Variants in SPIDR observed in about 807,000 individuals in gnomAD.
SPIDR encodes DNA repair-scaffolding protein.
In SPIDR, 93 loss-of-function variants were observed where a neutral mutation model predicts 104.6. The observed-to-expected ratio is 0.89, with a 90% confidence interval of 0.75 to 1.06. The LOEUF is 1.06. Ranked by LOEUF, SPIDR falls within the 50% of genes least tolerant of loss-of-function variation. The pLI is 0.00. For missense variants in SPIDR, 1,154 were observed against 1,111.2 expected, an observed-to-expected ratio of 1.04 and a Z score of -0.55; for synonymous variants, 431 against 416.9, an observed-to-expected ratio of 1.03 and a Z score of -0.41.
At chr8:47,412,472 A>T (rs1477315949) in intron 7 of SPIDR, among the ~76,000 whole-genome samples, 1 of 152,176 alleles carries the variant, frequency 6.6e-6, no homozygotes, top group South Asian at 2.1e-4. Context: ...CAAGTCCGAT[A>T]AAAAGAATGC....
At chr8:47,435,840 A>C (rs767416504) in intron 7 of SPIDR, among the ~76,000 whole-genome samples, 3 of 152,180 alleles carry the variant, frequency 2.0e-5, no homozygotes, top group Admixed American at 6.5e-5. Flanking sequence ...ACAATTTCCT[A>C]TTCTTAACTG....
chr8:47,485,574 C>G (rs1193810896), intron 8 of SPIDR, among the ~76,000 whole-genome samples: 1 of 152,242 alleles, frequency 6.6e-6, no homozygotes, highest in Non-Finnish European at 1.5e-5. Flanking sequence ...TCCTTGACCC[C>G]CGAGTAGCCT....
At chr8:47,272,038 G>T (rs1316520958) in intron 1 of SPIDR, among the ~76,000 whole-genome samples, 1 of 151,954 alleles carries the variant, frequency 6.6e-6, no homozygotes, top group Non-Finnish European at 1.5e-5. Flanking sequence ...GCAATGGCAC[G>T]ATCTCGGTTC....
chr8:47,278,820 T>A (rs2037125739), intron 1 of SPIDR, among the ~76,000 whole-genome samples: 1 of 152,216 alleles, frequency 6.6e-6, no homozygotes, highest in Non-Finnish European at 1.5e-5. Context: ...CTTTTATACC[T>A]TCCTGTTGCT....
chr8:47,547,396 A>G lies in SPIDR; in HGVS notation c.1098-48415A>G, dbSNP rs908247672. The G allele has an allele frequency of 1.3e-5, 4 of 309,252 alleles. No individual in the cohort carries two copies. The East Asian group carries it at 3.4e-4, about 26-fold the overall frequency. The allele number at this position is 309,252 out of a possible 1,614,324, so 19.2% of individuals were successfully genotyped here. A position where few individuals can be genotyped will look rare whatever the true frequency, so the allele number is the denominator to read the frequency against. On this transcript the variant is annotated intron_variant, in intron 8 of 19. Coordinates refer to ENST00000297423, the MANE Select transcript of SPIDR (RefSeq NM_001080394.4). ...GCCATCAATCTTAATGAACCACTGC[A>G]TGCAAATCTTCTCTTTTTTTGTATA...
intron 5 of SPIDR, among the ~76,000 whole-genome samples, chr8:47,345,577 G>T (rs2051787199): frequency 6.6e-6 from 1 of 152,154 alleles, no homozygotes; most frequent in Non-Finnish European, 1.5e-5. Flanking sequence ...TTACGATACT[G>T]ATTCTTCCTA....
intron 8 of SPIDR, among the ~76,000 whole-genome samples, chr8:47,517,047 C>T (rs1338725246): frequency 2.0e-5 from 3 of 152,100 alleles, no homozygotes; most frequent in Non-Finnish European, 2.9e-5. Flanking sequence ...TACAGTGGCA[C>T]GATCTCGGCT....
intron 10 of SPIDR, among the ~76,000 whole-genome samples, chr8:47,622,369 A>G (rs1367436994): frequency 6.6e-6 from 1 of 152,234 alleles, no homozygotes; most frequent in Non-Finnish European, 1.5e-5. Context: ...GCAGCTGTAC[A>G]GCCTGTGACG....
intron 5 of SPIDR, among the ~76,000 whole-genome samples, chr8:47,299,600 C>G (rs2041630613): frequency 6.6e-6 from 1 of 152,066 alleles, no homozygotes; most frequent in Non-Finnish European, 1.5e-5. Flanking sequence ...TCATAAATAG[C>G]TCTTATTATT....
At chr8:47,418,760 A>G (rs900103416) in intron 7 of SPIDR, among the ~76,000 whole-genome samples, 2 of 152,178 alleles carry the variant, frequency 1.3e-5, no homozygotes, top group Non-Finnish European at 2.9e-5. Flanking sequence ...TGGGTTTGTC[A>G]TAGATAGGTC....
intron 5 of SPIDR, among the ~76,000 whole-genome samples, chr8:47,323,270 A>G (rs1209808899): frequency 6.6e-6 from 1 of 152,126 alleles, no homozygotes; most frequent in Non-Finnish European, 1.5e-5. Context: ...TGTGTGAAAA[A>G]TCTTCTCAGG....
At chr8:47,285,503 A>C (rs924364721) in intron 3 of SPIDR, among the ~76,000 whole-genome samples, 81 of 152,244 alleles carry the variant, frequency 5.3e-4, no homozygotes, top group African/African-American at 1.9e-3. Flanking sequence ...TCCTCACCCA[A>C]AATGTAGTAT....
intron 10 of SPIDR, among the ~76,000 whole-genome samples, chr8:47,664,488 CA>C (rs1200462889): frequency 3.3e-5 from 5 of 151,998 alleles, no homozygotes; most frequent in Admixed American, 6.6e-5. Flanking sequence ...TAAAAAGATA[CA>C]AACTATGAAA....
chr8:47,402,816 CAATAGAAAAAGAGAGAATGCTCTCT>C (rs1554664245), intron 6 of SPIDR, among the ~76,000 whole-genome samples: 1 of 152,132 alleles, frequency 6.6e-6, no homozygotes, highest in East Asian at 1.9e-4. Context: ...CTATTCCAAT[CAATAGAAAAAGAGAGAATGCTCTCT>C]AATTCATTTT....
At position 47,703,205 on chromosome 8, in the gene SPIDR, T is replaced by G. The variant is rs116739468; in HGVS notation, c.1977+1190T>G. ...ACAACCCAATTCAGCTGCCTGGTTT[T>G]GGAGCCTTTCTCTTCCGCTTAAGTT... On this transcript the variant is annotated intron_variant, in intron 14 of 19. Coordinates refer to ENST00000297423, the MANE Select transcript of SPIDR (RefSeq NM_001080394.4). Among the ~76,000 whole-genome samples the G allele has an allele frequency of 5.3e-3, 805 of 152,364 alleles. 10 individuals carry two copies. Among genetic ancestry groups the G allele is most frequent in the African/African-American group, 0.019 (772 of 41,576 alleles).
chr8:47,380,858 C>T (rs972937528), intron 5 of SPIDR, among the ~76,000 whole-genome samples: 1 of 152,044 alleles, frequency 6.6e-6, no homozygotes, highest in African/African-American at 2.4e-5. Context: ...CTGATTTTCA[C>T]GGATAAAGTT....
intron 8 of SPIDR, among the ~76,000 whole-genome samples, chr8:47,477,587 A>G (rs1231759335): frequency 6.6e-6 from 1 of 152,256 alleles, no homozygotes; most frequent in Non-Finnish European, 1.5e-5. Flanking sequence ...GTCCTGGAAT[A>G]TTCCTTAAGC....
intron 8 of SPIDR, among the ~76,000 whole-genome samples, chr8:47,467,034 C>CT (rs1402109895): frequency 6.6e-6 from 1 of 151,538 alleles, no homozygotes; most frequent in Non-Finnish European, 1.5e-5. Context: ...AAGGTGATAT[C>CT]ACCACTGACC....
At chr8:47,366,539 C>G (rs1348161227) in intron 5 of SPIDR, among the ~76,000 whole-genome samples, 1 of 152,062 alleles carries the variant, frequency 6.6e-6, no homozygotes, top group Non-Finnish European at 1.5e-5. Context: ...TTCAGAGTGG[C>G]GAGGAAGGGC....
Sources: gnomAD v4.1 joint callset for allele counts (sites outside exome capture counted in the v4.1 genomes callset) on GRCh38, gnomAD v4.1.1 for gene constraint, MANE v1.5 for transcripts, NCBI Gene and HGNC (gene_info 2026-07-23, HGNC 2026-07-21) for gene names.